The following ARHGEF19 variants were observed in gnomAD, a reference collection of about 807,000 sequenced individuals.
ARHGEF19 encodes the protein Rho guanine nucleotide exchange factor (GEF) 19.
In ARHGEF19, 92 loss-of-function variants were observed where a neutral mutation model predicts 87.6. The ratio of observed to expected loss-of-function variants is 1.05; its 90% CI spans 0.89 to 1.25. The LOEUF (loss-of-function observed/expected upper bound fraction) is 1.25. Among genes scored for constraint, ARHGEF19 ranks in the 50% most tolerant of loss-of-function variants. ARHGEF19 has a pLI of 0.00. For missense variants in ARHGEF19, 1,054 were observed against 1,051.8 expected, an observed-to-expected ratio of 1.00 and a Z score of -0.03; for synonymous variants, 438 against 446.2, an observed-to-expected ratio of 0.98 and a Z score of 0.23.
At chr1:16,203,479 C>A (rs1183512060) in intron 12 of ARHGEF19, among the ~76,000 whole-genome samples, 1 of 152,160 alleles carries the variant, frequency 6.6e-6, no homozygotes. Context: ...CTGCAAGACC[C>A]TCTGGCCTCT....
Position 16,205,245 on chromosome 1 carries a change from T to G in ARHGEF19, c.1657-69A>C. On this transcript the variant is annotated intron_variant, in intron 10 of 15. Transcript: ENST00000270747. The surrounding 1 kb of genome is among the most constrained non-coding windows in gnomAD (Gnocchi z 5.8). ...GCTCCCAGAGCCCAGCCTCAGACTC[T>G]TGCCTGGGGACCGGAGACTCTGACA... 6.3e-7 allele frequency: 1 copy of G among 1,596,406 alleles called. No individual in the cohort carries two copies. The highest frequency in any genetic ancestry group is 8.6e-7 in the Non-Finnish European group (1 of 1,169,042).
chr1:16,202,326 C>T (rs2081090143), intron 13 of ARHGEF19, 90 bp downstream of exon 13: 1 of 1,467,970 alleles, frequency 6.8e-7, no homozygotes, highest in Non-Finnish European at 9.1e-7. Flanking sequence ...CCAGGGGTGC[C>T]CGCCATGGGG....
chr1:16,210,356 G>A (rs1241616563), intron 1 of ARHGEF19, among the ~76,000 whole-genome samples: 4 of 152,232 alleles, frequency 2.6e-5, no homozygotes, highest in African/African-American at 9.6e-5. Flanking sequence ...CGGGCAGCCA[G>A]GACCCCCCAG....
rs1221380495 is a variant in ARHGEF19, at chr1:16,208,231, G to A, written c.413-6C>T. The A allele has an allele frequency of 6.2e-7, 1 of 1,610,658 alleles. No homozygotes were observed. The highest frequency in any genetic ancestry group is 1.7e-5 in the Admixed American group (1 of 59,960). On this transcript the variant is annotated splice_polypyrimidine_tract_variant and splice_region_variant and intron_variant, in intron 2 of 15. Transcript: ENST00000270747. ...GTACACCCGCATCTTGCGCCCTAGG[G>A]TTGGGGGCAAGGAGTGAGAGCACGG...
Position 16,198,646 on chromosome 1 carries a change from G to C in ARHGEF19, c.2350C>G (p.Leu784Val). 6.2e-7 allele frequency: 1 copy of C among 1,613,838 alleles called. No homozygotes were observed. The highest frequency in any genetic ancestry group is 8.5e-7 in the Non-Finnish European group (1 of 1,179,806). The change falls in exon 16 of 16, where the codon CTC becomes GTC. Residue 784 changes from leucine (L) to valine (V), a missense_variant. Leu to Val is a conservative substitution (Grantham distance 32, BLOSUM62 1). Transcript: ENST00000270747. The surrounding 1 kb of genome is among the most constrained non-coding windows in gnomAD (Gnocchi z 4.1). Reference protein sequence around the residue: ...ISSLSARLRNLRENKRVTSAT... With the variant: ...ISSLSARLRNVRENKRVTSAT... Reference sequence around the variant, plus strand: ...CTTGTGACTCGCTTATTCTCCCGGAGGTTTCGGAGGCGGGCGCTGAGGCTG... The same window carrying C: ...CTTGTGACTCGCTTATTCTCCCGGACGTTTCGGAGGCGGGCGCTGAGGCTG...
rs1366560435 is a variant in ARHGEF19, at chr1:16,202,425, G to A, written c.2057C>T (p.Ala686Val). ...ATCCAGGCCCACTCACTCCGTCCGG[G>A]CCCGCAGCAGGAACTGGTGCTTCAT... ...QHMKHQFLLR[A>V]RTESEKQRWI... Residue 686 changes from alanine (A) to valine (V), a missense_variant, in exon 13 of 16, where the codon GCC (alanine) becomes GTC (valine). Transcript: ENST00000270747. 2 of 1,613,000 alleles carry A rather than the reference G, an allele frequency of 1.2e-6. No homozygotes were observed. Among genetic ancestry groups the A allele is most frequent in the Non-Finnish European group, 1.7e-6 (2 of 1,179,586 alleles).
chr1:16,207,883 G>GCCCCC lies in ARHGEF19; in HGVS notation c.694+60_694+61insGGGGG. The GCCCCC allele has an allele frequency of 4.1e-6, 6 of 1,476,402 alleles. No homozygotes were observed. The highest frequency in any genetic ancestry group is 1.2e-5 in the South Asian group (1 of 86,490). The allele number at this position is 1,476,402 out of a possible 1,614,324, so 91.5% of individuals were successfully genotyped here. On this transcript the variant is annotated intron_variant, in intron 3 of 15. Transcript: ENST00000270747. This position sits in a 1 kb window ranked among gnomAD's most constrained non-coding sequence, Gnocchi z 4.0. ...CTCAGGCGGCCGGTGAGTGGGCATCGCCCACCCCCACCCCCACCCGGCATC... is the reference window on the plus strand; with the variant it reads ...CTCAGGCGGCCGGTGAGTGGGCATCGCCCCCCCCACCCCCACCCCCACCCGGCATC...
intron 1 of ARHGEF19, among the ~76,000 whole-genome samples, chr1:16,212,047 GCC>G (rs145825121): frequency 0.043 from 6,511 of 152,246 alleles, 444 homozygotes; most frequent in African/African-American, 0.15. Flanking sequence ...ACCGCCCAAT[GCC>G]CTCTCTAAGA....
chr1:16,207,616 TCA>T lies in ARHGEF19; in HGVS notation c.798-20_798-19del. Reference sequence around the variant, plus strand: ...TGTCTAGCCTAGGAAAGAGAGAGCGTCACGGCCCTAGTTCGCCTGCACCCTGT... The same window carrying T: ...TGTCTAGCCTAGGAAAGAGAGAGCGTCGGCCCTAGTTCGCCTGCACCCTGT... On this transcript the variant is annotated intron_variant, in intron 4 of 15. Transcript: ENST00000270747. The surrounding 1 kb of genome is among the most constrained non-coding windows in gnomAD (Gnocchi z 4.0). The T allele has an allele frequency of 1.9e-6, 3 of 1,613,914 alleles. No homozygotes were observed. Among genetic ancestry groups the T allele is most frequent in the Non-Finnish European group, 2.5e-6 (3 of 1,179,968 alleles).
Position 16,198,632 on chromosome 1 carries a change from C to T in ARHGEF19, c.2364G>A (p.Lys788=). Residue 788 remains lysine, a synonymous_variant, in exon 16 of 16, where the codon AAG becomes AAA. Coordinates refer to ENST00000270747, the MANE Select transcript of ARHGEF19 (RefSeq NM_153213.5). The surrounding 1 kb of genome is among the most constrained non-coding windows in gnomAD (Gnocchi z 4.1). The part of the protein sequence containing the change: ...SARLRNLREN[K]RVTSATSKLG... ...GTTTGCTGGTGGCACTTGTGACTCG[C>T]TTATTCTCCCGGAGGTTTCGGAGGC... 6.2e-7 allele frequency: 1 copy of T among 1,613,604 alleles called. No individual in the cohort carries two copies. The highest frequency in any genetic ancestry group is 8.5e-7 in the Non-Finnish European group (1 of 1,179,676).
chr1:16,200,825 C>T (rs2081078912), intron 14 of ARHGEF19, among the ~76,000 whole-genome samples: 1 of 151,836 alleles, frequency 6.6e-6, no homozygotes, highest in Non-Finnish European at 1.5e-5. Context: ...CACTTGAACC[C>T]AGGAGGTGGA....
At chr1:16,211,286 CTT>C (rs3030196) in intron 1 of ARHGEF19, among the ~76,000 whole-genome samples, 37,686 of 152,030 alleles carry the variant, frequency 0.25, 4,939 homozygotes, top group African/African-American at 0.32. Flanking sequence ...AGACGGGTCT[CTT>C]TCTCTGCAGG....
chr1:16,208,711 C>G lies in ARHGEF19; in HGVS notation c.344G>C (p.Gly115Ala). ...CPGAQPPALE[G>A]PWSPRHTQPQ... ...CTGTGTGTGTCGGGGACTCCAGGGT[C>G]CCTCCAGAGCTGGGGGCTGGGCACC... is the stretch of plus-strand genomic sequence containing the variant. Residue 115 changes from glycine to alanine, a missense_variant, in exon 2 of 16, where the codon GGA becomes GCA. Transcript: ENST00000270747. 1 of 1,607,236 alleles carries G rather than the reference C, an allele frequency of 6.2e-7. No individual in the cohort carries two copies. The highest frequency in any genetic ancestry group is 8.5e-7 in the Non-Finnish European group (1 of 1,177,918).
chr1:16,209,210 A>C, intron 1 of ARHGEF19, 127 bp from the exon 2 acceptor site: 3 of 556,082 alleles, frequency 5.4e-6, no homozygotes, highest in Non-Finnish European at 8.3e-6. Flanking sequence ...ACACACTCAC[A>C]TGTCTAATTA....
At position 16,205,937 on chromosome 1, in the gene ARHGEF19, C is replaced by T. The variant is rs1396857194; in HGVS notation, c.1445G>A (p.Arg482His). The change falls in exon 8 of 16, where the codon CGC (arginine) becomes CAC (histidine). Residue 482 changes from arginine to histidine, a missense_variant. By Grantham distance (29) the Arg-to-His change is conservative. Coordinates refer to ENST00000270747, the MANE Select transcript of ARHGEF19 (RefSeq NM_153213.5). This position sits in a 1 kb window ranked among gnomAD's most constrained non-coding sequence, Gnocchi z 5.8. ...NQAYQERTYQ[R>H]LLLENPRFPG... Reference sequence around the variant, plus strand: ...TCAGAGCCCCCAGCCCTACAGCAGGCGCTGGTAGGTGCGCTCCTGGTAGGC... The same window carrying T: ...TCAGAGCCCCCAGCCCTACAGCAGGTGCTGGTAGGTGCGCTCCTGGTAGGC... 1.2e-6 allele frequency: 2 copies of T among 1,607,840 alleles called. No individual in the cohort carries two copies. The highest frequency in any genetic ancestry group is 1.7e-5 in the Admixed American group (1 of 59,028).
Position 16,207,241 on chromosome 1 carries a change from G to C in ARHGEF19, c.875-31C>G. The C allele has an allele frequency of 6.8e-7, 1 of 1,475,720 alleles. No individual in the cohort carries two copies. Among genetic ancestry groups the C allele is most frequent in the South Asian group, 1.4e-5 (1 of 73,194 alleles). The allele number at this position is 1,475,720 out of a possible 1,614,324, so 91.4% of individuals were successfully genotyped here. On this transcript the variant is annotated intron_variant, in intron 5 of 15. Transcript: ENST00000270747. This position sits in a 1 kb window ranked among gnomAD's most constrained non-coding sequence, Gnocchi z 4.0. The stretch of plus-strand genomic sequence containing the variant: ...GGAAAGACGGGCGGGGGAGAGCGTG[G>C]GGCGCCCGCCAGCCCCTGCCCGGCT...
chr1:16,199,392 G>C (rs221033), intron 14 of ARHGEF19, 138 bp from the exon 15 acceptor site: 177,024 of 689,884 alleles, frequency 0.26, 25,285 homozygotes, highest in Admixed American at 0.41. Context: ...CTCTGCCACT[G>C]CCATGCCACA....
chr1:16,206,360 G>A lies in ARHGEF19; in HGVS notation c.1138-20C>T, dbSNP rs375769086. ...CTTGGCCTGAGGGAGGGCACACACGGGGTCGAAAGGGCAGGACCAGTTCAC... is the reference window on the plus strand; with the variant it reads ...CTTGGCCTGAGGGAGGGCACACACGAGGTCGAAAGGGCAGGACCAGTTCAC... On this transcript the variant is annotated intron_variant, in intron 6 of 15. Coordinates refer to ENST00000270747, the MANE Select transcript of ARHGEF19 (RefSeq NM_153213.5). The surrounding 1 kb of genome is among the most constrained non-coding windows in gnomAD (Gnocchi z 4.6). 109 of 1,567,842 alleles carry A rather than the reference G, an allele frequency of 7.0e-5. No homozygotes were observed. In the East Asian group the frequency reaches 2.0e-3, roughly 28 times the overall value.
Position 16,209,277 on chromosome 1 carries a change from C to A in ARHGEF19, c.-29-194G>T, listed in dbSNP as rs114391414. On this transcript the variant is annotated intron_variant, in intron 1 of 15. Coordinates refer to ENST00000270747, the MANE Select transcript of ARHGEF19 (RefSeq NM_153213.5). Reference sequence around the variant, plus strand: ...CCTGAATGATAGGCCAAGTACTTTACACATACTATCTCATTTAATCCTCAC... The same window carrying A: ...CCTGAATGATAGGCCAAGTACTTTAAACATACTATCTCATTTAATCCTCAC... Among the ~76,000 whole-genome samples, 758 of 152,334 alleles carry A rather than the reference C, an allele frequency of 5.0e-3. 1 individual carries two copies. Among genetic ancestry groups the A allele is most frequent in the Non-Finnish European group, 8.3e-3 (563 of 68,032 alleles).
Sources: allele counts gnomAD v4.1 joint callset (sites outside exome capture counted in the v4.1 genomes callset), GRCh38; gene constraint gnomAD v4.1.1; non-coding constraint Gnocchi (gnomAD v3.1); transcripts MANE v1.5; gene names NCBI Gene and HGNC (gene_info 2026-07-23, HGNC 2026-07-21).